The following CCDC73 variants were observed in gnomAD, a reference collection of about 807,000 sequenced individuals.
CCDC73 encodes coiled-coil domain containing 73.
A neutral mutation model predicts 116.5 loss-of-function variants in CCDC73; 95 were observed. The ratio of observed to expected loss-of-function variants is 0.82; its 90% CI spans 0.69 to 0.97. The LOEUF is 0.97. Ranked by LOEUF, CCDC73 falls within the 50% of genes least tolerant of loss-of-function variation. The probability of loss-of-function intolerance (pLI) is 0.00; values close to 1 mark genes in which losing one functional copy is unlikely to be tolerated. For missense variants in CCDC73, 1,066 were observed against 1,206.8 expected (o/e 0.88, Z 1.73); for synonymous variants, 398 against 401.3 (o/e 0.99, Z 0.10).
chr11:32,741,152 T>C (rs375468141), intron 2 of CCDC73, among the ~76,000 whole-genome samples: 20 of 152,158 alleles, frequency 1.3e-4, no homozygotes, highest in African/African-American at 4.8e-4. Flanking sequence ...CTGCAGCTAT[T>C]GGATGAAATG....
intron 2 of CCDC73, among the ~76,000 whole-genome samples, chr11:32,740,366 T>G (rs1208432774): frequency 6.6e-6 from 1 of 152,108 alleles, no homozygotes; most frequent in South Asian, 2.1e-4. Flanking sequence ...AGCTTCTGCC[T>G]CATTACTTGT....
intron 9 of CCDC73, among the ~76,000 whole-genome samples, chr11:32,667,088 C>A (rs538481107): frequency 6.6e-6 from 1 of 152,202 alleles, no homozygotes; most frequent in East Asian, 1.9e-4. Flanking sequence ...GGTGTGCCCC[C>A]CAGTTAGGCT....
intron 9 of CCDC73, among the ~76,000 whole-genome samples, chr11:32,675,015 T>G (rs1856073288): frequency 6.6e-6 from 1 of 152,172 alleles, no homozygotes; most frequent in South Asian, 2.1e-4. Context: ...TCCCCTTGCC[T>G]GAAACATTAC....
At chr11:32,693,199 G>A (rs1206715581) in intron 6 of CCDC73, among the ~76,000 whole-genome samples, 1 of 152,144 alleles carries the variant, frequency 6.6e-6, no homozygotes, top group Admixed American at 6.5e-5. Flanking sequence ...ATGATCTTAT[G>A]AAAGGAAAAA....
At position 32,683,567 on chromosome 11, in the gene CCDC73, T is replaced by A. The variant is rs751648712; in HGVS notation, c.398A>T (p.Lys133Ile). 4.6e-5 allele frequency: 69 copies of A among 1,495,796 alleles called. No individual in the cohort carries two copies. The highest frequency in any genetic ancestry group is 5.9e-5 in the Non-Finnish European group (64 of 1,082,904). 92.7% of individuals were successfully genotyped at this position (1,495,796 alleles called of 1,614,324 possible). A position where few individuals can be genotyped will look rare whatever the true frequency, so the allele number is the denominator to read the frequency against. Reference protein sequence around the residue: ...KETLKALQVSKYSLQKKVSEM... With the variant: ...KETLKALQVSIYSLQKKVSEM... ...ACTCACTTTCTTCTGTAAAGAGTAT[T>A]TAGAAACCTTGAAAAATAAGGGGGA... Residue 133 changes from lysine (K) to isoleucine (I), a missense_variant, in exon 7 of 18, where the codon AAA (lysine) becomes ATA (isoleucine). Physicochemically the swap from Lys to Ile is moderately radical, Grantham distance 102. Coordinates refer to ENST00000335185, the MANE Select transcript of CCDC73 (RefSeq NM_001008391.4).
At chr11:32,682,400 T>C (rs943403727) in intron 7 of CCDC73, 21 of 151,948 alleles carry the variant, frequency 1.4e-4, no homozygotes, top group Admixed American at 9.8e-4. Flanking sequence ...TTCTTTCCAG[T>C]TGAATAGCAA....
At chr11:32,758,379 G>T in intron 2 of CCDC73, 1 of 506,984 alleles carries the variant, frequency 2.0e-6, no homozygotes, top group South Asian at 1.4e-5. Context: ...TACCAAGAAG[G>T]TTAGGAAAGC....
chr11:32,824,694 G>A, the CCDC73 span, among the ~76,000 whole-genome samples: 1 of 152,216 alleles, frequency 6.6e-6, no homozygotes, highest in African/African-American at 2.4e-5. Flanking sequence ...GGATTGAAGT[G>A]TCCAGGCTGG....
chr11:32,678,882 CAAAAAAA>C, intron 7 of CCDC73, among the ~76,000 whole-genome samples: 1 of 131,314 alleles, frequency 7.6e-6, no homozygotes, highest in African/African-American at 2.9e-5. Flanking sequence ...GGCTCCGTCA[CAAAAAAA>C]AAAAAAAAAT....
chr11:32,687,227 G>A (rs1289159969), intron 6 of CCDC73, among the ~76,000 whole-genome samples: 2 of 152,200 alleles, frequency 1.3e-5, no homozygotes, highest in Non-Finnish European at 2.9e-5. Context: ...TGAGGGGGTT[G>A]TGTCTAGAGC....
chr11:32,638,831 G>T (rs902981463), intron 13 of CCDC73, among the ~76,000 whole-genome samples: 1 of 150,676 alleles, frequency 6.6e-6, no homozygotes. Flanking sequence ...GGGAAGGGTG[G>T]AGATGGGAAC....
intron 1 of CCDC73, among the ~76,000 whole-genome samples, chr11:32,780,420 T>C (rs983275803): frequency 6.6e-6 from 1 of 152,056 alleles, no homozygotes; most frequent in Non-Finnish European, 1.5e-5. Flanking sequence ...GACATGTAAA[T>C]GGAAGCAATC....
At chr11:32,679,771 C>G (rs1334203086) in intron 7 of CCDC73, 1 of 152,142 alleles carries the variant, frequency 6.6e-6, no homozygotes, top group African/African-American at 2.4e-5. Flanking sequence ...CTTAACCTTT[C>G]AGCTAAAAAG....
chr11:32,749,519 C>G (rs1392321412), intron 2 of CCDC73, among the ~76,000 whole-genome samples: 2 of 151,998 alleles, frequency 1.3e-5, no homozygotes. Flanking sequence ...GGACTGGTCC[C>G]TGTTGCCTTA....
intron 1 of CCDC73, among the ~76,000 whole-genome samples, chr11:32,791,466 T>C (rs756565233): frequency 3.3e-5 from 5 of 152,244 alleles, no homozygotes; most frequent in Non-Finnish European, 5.9e-5. Flanking sequence ...CCTGTTTAAC[T>C]TTAATCCGTA....
chr11:32,646,882 T>A (rs1171919278), intron 12 of CCDC73, among the ~76,000 whole-genome samples: 1 of 152,188 alleles, frequency 6.6e-6, no homozygotes, highest in Non-Finnish European at 1.5e-5. Context: ...TAGAAGACAG[T>A]ATTATCTTCC....
chr11:32,797,725 G>A (rs1782837778), upstream of CCDC73, among the ~76,000 whole-genome samples: 1 of 152,122 alleles, frequency 6.6e-6, no homozygotes, highest in African/African-American at 2.4e-5. Context: ...ACAGTAGATG[G>A]CACACAGCAC....
At chr11:32,618,217 T>C (rs1855491888) in intron 14 of CCDC73, among the ~76,000 whole-genome samples, 1 of 152,240 alleles carries the variant, frequency 6.6e-6, no homozygotes, top group Non-Finnish European at 1.5e-5. Flanking sequence ...TGTATTCTTT[T>C]TTATGGCTGT....
At chr11:32,661,338 A>G (rs1855921286) in intron 9 of CCDC73, among the ~76,000 whole-genome samples, 2 of 152,136 alleles carry the variant, frequency 1.3e-5, no homozygotes, top group Admixed American at 1.3e-4. Flanking sequence ...TCTATGGTAC[A>G]TGTGGACAAC....
Sources: gnomAD v4.1 joint callset for allele counts (sites outside exome capture counted in the v4.1 genomes callset) on GRCh38, gnomAD v4.1.1 for gene constraint, MANE v1.5 for transcripts, NCBI Gene and HGNC (gene_info 2026-07-23, HGNC 2026-07-21) for gene names.